The following SLC20A2 variants were observed in gnomAD, a reference collection of about 807,000 sequenced individuals.
SLC20A2 encodes solute carrier family 20 member 2, also known as sodium-dependent phosphate transporter 2.
Under a neutral mutation model 61.0 loss-of-function variants are expected in SLC20A2, and 30 were observed. The observed-to-expected ratio is 0.49, with a 90% CI of 0.37 to 0.67. SLC20A2 has a LOEUF of 0.67. Ranked by LOEUF, SLC20A2 falls within the 30% of genes least tolerant of loss-of-function variation. The probability of loss-of-function intolerance (pLI) is 0.00; values close to 1 mark genes in which losing one functional copy is unlikely to be tolerated. For synonymous variants in SLC20A2, 351 were observed against 353.3 expected (o/e 0.99, Z 0.07); for missense variants, 626 against 866.4 (o/e 0.72, Z 3.48).
chr8:42,533,654 C>CTTTTTTTCTTTTTTTTCTTTTTTTT (rs1253260874), intron 1 of SLC20A2, among the ~76,000 whole-genome samples: 1 of 55,310 alleles, frequency 1.8e-5, no homozygotes, highest in African/African-American at 8.1e-5. Flanking sequence ...ATCAACTGTT[C>CTTTTTTTCTTTTTTTTCTTTTTTTT]TTTTTTTTTT....
At chr8:42,482,354 A>T (rs538047039) in intron 1 of SLC20A2, among the ~76,000 whole-genome samples, 2 of 152,322 alleles carry the variant, frequency 1.3e-5, no homozygotes, top group Non-Finnish European at 2.9e-5. Flanking sequence ...CAGCACAAGG[A>T]AACAGTCTTT....
chr8:42,508,920 GCATCTGC>G (rs1378258626), intron 1 of SLC20A2, among the ~76,000 whole-genome samples: 1 of 152,162 alleles, frequency 6.6e-6, no homozygotes, highest in Non-Finnish European at 1.5e-5. Context: ...AATGAAAGTG[GCATCTGC>G]AGCAAGGCTA....
At chr8:42,497,277 G>A (rs1809996865) in intron 1 of SLC20A2, among the ~76,000 whole-genome samples, 1 of 152,056 alleles carries the variant, frequency 6.6e-6, no homozygotes, top group Admixed American at 6.5e-5. Context: ...TACATTTTTT[G>A]GCATCCAGAT....
intron 5 of SLC20A2, among the ~76,000 whole-genome samples, chr8:42,453,831 C>T (rs1235164730): frequency 6.6e-6 from 1 of 152,086 alleles, no homozygotes; most frequent in African/African-American, 2.4e-5. Flanking sequence ...AACAGAAGGA[C>T]AGGATGACTC....
chr8:42,488,409 C>G (rs1483085783), intron 1 of SLC20A2, among the ~76,000 whole-genome samples: 1 of 151,846 alleles, frequency 6.6e-6, no homozygotes, highest in East Asian at 1.9e-4. Context: ...AGGCTGGTCT[C>G]AAACTCCTGA....
rs1373244504 is a variant in SLC20A2, at chr8:42,439,549, C to T, written c.835G>A (p.Ala279Thr). The change falls in exon 7 of 11, where the codon GCT becomes ACT. Residue 279 changes from alanine to threonine, a missense_variant. Physicochemically the swap from Ala to Thr is moderately conservative, Grantham distance 58 (BLOSUM62 0). Coordinates refer to ENST00000520262, the MANE Select transcript of SLC20A2 (RefSeq NM_001257180.2). ...AGCGGGATGGTGCTGTCATCATTAGCCTTGGCACCTGGTAGCTCTTTAAAT... is the reference window on the plus strand; with the variant it reads ...AGCGGGATGGTGCTGTCATCATTAGTCTTGGCACCTGGTAGCTCTTTAAAT... ...PVFKELPGAK[A>T]NDDSTIPLTG... The T allele has an allele frequency of 1.2e-6, 2 of 1,614,206 alleles. No individual in the cohort carries two copies. The highest frequency in any genetic ancestry group is 1.3e-5 in the African/African-American group (1 of 75,056).
chr8:42,465,672 A>C (rs1807099999), intron 3 of SLC20A2, 105 bp downstream of exon 3: 2 of 1,158,132 alleles, frequency 1.7e-6, no homozygotes, highest in Admixed American at 5.1e-5. Context: ...GCCTGGCAAC[A>C]GAGTGACACT....
intron 10 of SLC20A2, among the ~76,000 whole-genome samples, chr8:42,424,470 C>T (rs1803260093): frequency 2.0e-5 from 3 of 152,212 alleles, no homozygotes; most frequent in East Asian, 1.9e-4. Flanking sequence ...CATGAGCCAC[C>T]GTACCTGGCC....
intron 1 of SLC20A2, among the ~76,000 whole-genome samples, chr8:42,508,147 G>A (rs1461424250): frequency 1.3e-5 from 2 of 151,772 alleles, no homozygotes; most frequent in Non-Finnish European, 2.9e-5. Context: ...CTGGGCAACA[G>A]AGCAAGACTC....
intron 5 of SLC20A2, among the ~76,000 whole-genome samples, chr8:42,457,724 A>T (rs1384362501): frequency 6.6e-6 from 1 of 152,074 alleles, no homozygotes; most frequent in Non-Finnish European, 1.5e-5. Context: ...TGACCTTGTG[A>T]TCCACCCACC....
At position 42,487,368 on chromosome 8, in the gene SLC20A2, G is replaced by A. The variant is rs528725309; in HGVS notation, c.-265+13663C>T. 9.3e-5 allele frequency among the ~76,000 whole-genome samples: 14 copies of A among 150,346 alleles called. No individual in the cohort carries two copies. The East Asian group carries it at 2.2e-3, about 23-fold the overall frequency. ...AATTTTTTGTGTTTTTAGTAGAGAC[G>A]GGGTTTCACCGTGTTAGCCAGGATG... On this transcript the variant is annotated intron_variant, in intron 1 of 10. Coordinates refer to ENST00000520262, the MANE Select transcript of SLC20A2 (RefSeq NM_001257180.2).
intron 5 of SLC20A2, among the ~76,000 whole-genome samples, chr8:42,450,976 G>A (rs1224113067): frequency 6.6e-6 from 1 of 152,198 alleles, no homozygotes; most frequent in Non-Finnish European, 1.5e-5. Flanking sequence ...TCACTGTAAC[G>A]GCAATTTCTG....
intron 1 of SLC20A2, among the ~76,000 whole-genome samples, chr8:42,530,864 C>T (rs1021266205): frequency 6.6e-6 from 1 of 152,050 alleles, no homozygotes; most frequent in Non-Finnish European, 1.5e-5. Flanking sequence ...TACAGATGCC[C>T]GCCACCACGC....
At chr8:42,418,257 C>T (rs1802808168) in intron 10 of SLC20A2, among the ~76,000 whole-genome samples, 1 of 152,232 alleles carries the variant, frequency 6.6e-6, no homozygotes, top group Admixed American at 6.5e-5. Flanking sequence ...ACCTCCATCT[C>T]CCAGGTTCAA....
At chr8:42,536,544 A>G (rs1046144399) in intron 1 of SLC20A2, 7 of 152,190 alleles carry the variant, frequency 4.6e-5, no homozygotes, top group Non-Finnish European at 1.0e-4. Context: ...CTCCCAACAA[A>G]AGGGAGACAT....
chr8:42,438,079 A>AAAAAAAAAAAAAC (rs1804477270), intron 7 of SLC20A2, among the ~76,000 whole-genome samples: 2 of 147,906 alleles, frequency 1.4e-5, no homozygotes, highest in African/African-American at 5.0e-5. Flanking sequence ...AAAAAAAAAA[A>AAAAAAAAAAAAAC]AAAAAAAAAA....
chr8:42,443,232 A>G (rs1233322760), intron 6 of SLC20A2, among the ~76,000 whole-genome samples: 1 of 138,278 alleles, frequency 7.2e-6, no homozygotes, highest in Non-Finnish European at 1.5e-5. Flanking sequence ...TATAATTATT[A>G]CAGTACTATA....
intron 1 of SLC20A2, among the ~76,000 whole-genome samples, chr8:42,490,335 C>T (rs12679557): frequency 0.036 from 5,505 of 152,184 alleles, 199 homozygotes; most frequent in South Asian, 0.1. Flanking sequence ...TGGTGGCTCA[C>T]GCCTGTAATC....
chr8:42,428,989 C>T (rs973062100), intron 9 of SLC20A2, 147 bp from the exon 10 acceptor site: 28 of 599,920 alleles, frequency 4.7e-5, no homozygotes, highest in East Asian at 1.0e-4. Flanking sequence ...AACAAGAGGC[C>T]GCTGCTCAAC....
Sources: gnomAD v4.1 joint callset for allele counts (sites outside exome capture counted in the v4.1 genomes callset) on GRCh38, gnomAD v4.1.1 for gene constraint, MANE v1.5 for transcripts, NCBI Gene and HGNC (gene_info 2026-07-23, HGNC 2026-07-21) for gene names.